MNAT1: variants seen among roughly 807,000 people sequenced by gnomAD.
The protein encoded by MNAT1 is MNAT1 component of CDK activating kinase, also known as CDK-activating kinase assembly factor MAT1.
In MNAT1, 43 loss-of-function variants were observed where a neutral mutation model predicts 42.0. The ratio of observed to expected loss-of-function variants is 1.02; its 90% CI spans 0.80 to 1.32. The LOEUF is 1.32. Among genes scored for constraint, MNAT1 ranks in the 40% most tolerant of loss-of-function variants. MNAT1 has a pLI of 0.00. For synonymous variants in MNAT1, 118 were observed against 120.0 expected, an observed-to-expected ratio of 0.98 and a Z score of 0.11; for missense variants, 306 against 350.4, an observed-to-expected ratio of 0.87 and a Z score of 1.01.
intron 7 of MNAT1, among the ~76,000 whole-genome samples, chr14:60,938,594 A>T (rs1346872039): frequency 1.3e-5 from 2 of 152,152 alleles, no homozygotes; most frequent in African/African-American, 4.8e-5. Context: ...ATCATGGTGG[A>T]TAAGTGTTTT....
chr14:60,865,171 A>G (rs969170388), intron 6 of MNAT1, among the ~76,000 whole-genome samples: 2 of 152,024 alleles, frequency 1.3e-5, no homozygotes, highest in Non-Finnish European at 2.9e-5. Context: ...GCGTAAAGAA[A>G]CTTCTATCTT....
chr14:60,841,418 G>A (rs1305588173), intron 6 of MNAT1, among the ~76,000 whole-genome samples: 1 of 152,068 alleles, frequency 6.6e-6, no homozygotes, highest in Non-Finnish European at 1.5e-5. Flanking sequence ...ACATAAAGTT[G>A]TGTGTGTTTT....
chr14:60,881,066 G>A (rs2034541107), intron 7 of MNAT1, among the ~76,000 whole-genome samples: 1 of 152,152 alleles, frequency 6.6e-6, no homozygotes, highest in Non-Finnish European at 1.5e-5. Flanking sequence ...AAGTTCACGT[G>A]TTTAAAATAG....
At position 60,798,162 on chromosome 14, in the gene MNAT1, T is replaced by C; in HGVS notation, c.316+2T>C. On this transcript the variant is annotated splice_donor_variant, in intron 3 of 7. Coordinates refer to ENST00000261245, the MANE Select transcript of MNAT1 (RefSeq NM_002431.4). LOFTEE classifies it high-confidence loss of function. ...TCTTGGAAGAAGTGGAAGAAATTGGTACGTTTTTAATTTGATGTATGCTAG... is the reference window on the plus strand; with the variant it reads ...TCTTGGAAGAAGTGGAAGAAATTGGCACGTTTTTAATTTGATGTATGCTAG... The C allele has an allele frequency of 6.7e-7, 1 of 1,483,506 alleles. No homozygotes were observed. The highest frequency in any genetic ancestry group is 1.4e-5 in the African/African-American group (1 of 72,272). 91.9% of individuals were successfully genotyped at this position (1,483,506 alleles called of 1,614,324 possible).
intron 1 of MNAT1, among the ~76,000 whole-genome samples, chr14:60,746,375 C>T (rs1169475186): frequency 1.3e-5 from 2 of 151,966 alleles, no homozygotes; most frequent in East Asian, 3.9e-4. Flanking sequence ...ATTAGCCAGG[C>T]GTGGTGGGTC....
intron 3 of MNAT1, among the ~76,000 whole-genome samples, chr14:60,801,506 C>G (rs572167498): frequency 6.6e-6 from 1 of 152,254 alleles, no homozygotes; most frequent in South Asian, 2.1e-4. Flanking sequence ...CAAGAAAATA[C>G]TTGATTAGAA....
intron 4 of MNAT1, chr14:60,808,940 C>G (rs2032460530): frequency 6.6e-6 from 1 of 151,998 alleles, no homozygotes; most frequent in African/African-American, 2.4e-5. Context: ...AATTAGTTAC[C>G]TTTTTTGTTT....
intron 1 of MNAT1, among the ~76,000 whole-genome samples, chr14:60,784,466 A>G (rs1446509226): frequency 1.3e-5 from 2 of 151,578 alleles, no homozygotes; most frequent in South Asian, 4.2e-4. Context: ...GATGTGAGCC[A>G]CTACACAAGG....
chr14:60,743,955 C>CATT, intron 1 of MNAT1, among the ~76,000 whole-genome samples: 1 of 151,998 alleles, frequency 6.6e-6, no homozygotes, highest in Non-Finnish European at 1.5e-5. Context: ...GTTTTCATTT[C>CATT]TCTGATATTT....
At chr14:60,941,881 G>T (rs1476400000) in intron 7 of MNAT1, among the ~76,000 whole-genome samples, 2 of 150,750 alleles carry the variant, frequency 1.3e-5, no homozygotes, top group Non-Finnish European at 3.0e-5. Context: ...GCGGGCGCCT[G>T]TAATTGCAGC....
At chr14:60,887,233 GT>G (rs2034697883) in intron 7 of MNAT1, among the ~76,000 whole-genome samples, 1 of 150,624 alleles carries the variant, frequency 6.6e-6, no homozygotes, top group Non-Finnish European at 1.5e-5. Context: ...TTTGTTTTTT[GT>G]TTTTATTTTA....
At chr14:60,884,611 C>A (rs1158388297) in intron 7 of MNAT1, among the ~76,000 whole-genome samples, 2 of 151,958 alleles carry the variant, frequency 1.3e-5, no homozygotes, top group Non-Finnish European at 2.9e-5. Flanking sequence ...AACTTTGTCC[C>A]CTTGCTTTTT....
intron 6 of MNAT1, among the ~76,000 whole-genome samples, chr14:60,836,890 A>G (rs1384291729): frequency 1.3e-5 from 2 of 152,186 alleles, no homozygotes; most frequent in African/African-American, 4.8e-5. Flanking sequence ...AGTTTTACCT[A>G]TAAGCCCCTT....
intron 3 of MNAT1, among the ~76,000 whole-genome samples, chr14:60,801,618 A>C (rs2032203180): frequency 6.6e-6 from 1 of 152,240 alleles, no homozygotes; most frequent in Non-Finnish European, 1.5e-5. Flanking sequence ...TGCAAATTAA[A>C]ATCACAATGA....
chr14:60,752,880 T>C (rs983363820), intron 1 of MNAT1, among the ~76,000 whole-genome samples: 1 of 152,198 alleles, frequency 6.6e-6, no homozygotes, highest in Non-Finnish European at 1.5e-5. Flanking sequence ...TTCTCCTGCC[T>C]CAGCTTCCCG....
At chr14:60,794,811 T>A (rs905121738) in intron 1 of MNAT1, among the ~76,000 whole-genome samples, 5 of 151,822 alleles carry the variant, frequency 3.3e-5, no homozygotes, top group African/African-American at 1.2e-4. Flanking sequence ...CTTATTTAGC[T>A]TATTCTGTAA....
chr14:60,959,819 A>T (rs750312917), intron 7 of MNAT1, among the ~76,000 whole-genome samples: 1 of 151,746 alleles, frequency 6.6e-6, no homozygotes, highest in Non-Finnish European at 1.5e-5. Flanking sequence ...TTTTCTTTAT[A>T]GCTTTGTCAT....
intron 6 of MNAT1, among the ~76,000 whole-genome samples, chr14:60,830,629 C>T (rs1334410537): frequency 6.6e-6 from 1 of 152,050 alleles, no homozygotes; most frequent in East Asian, 1.9e-4. Flanking sequence ...CTTAGTTTTC[C>T]TTTGGAATTT....
chr14:60,883,147 C>T (rs1417517712), intron 7 of MNAT1, among the ~76,000 whole-genome samples: 1 of 152,070 alleles, frequency 6.6e-6, no homozygotes, highest in Non-Finnish European at 1.5e-5. Context: ...CCTCAAAAAT[C>T]TTTGCCCACT....
Sources: gnomAD v4.1 joint callset for allele counts (sites outside exome capture counted in the v4.1 genomes callset) on GRCh38, gnomAD v4.1.1 for gene constraint, MANE v1.5 for transcripts, NCBI Gene and HGNC (gene_info 2026-07-23, HGNC 2026-07-21) for gene names.